TAOK3: variants seen among roughly 807,000 people sequenced by gnomAD.
TAOK3 encodes serine/threonine-protein kinase TAO3.
In TAOK3, 40 loss-of-function variants were observed where a neutral mutation model predicts 120.4. The observed-to-expected ratio is 0.33, with a 90% confidence interval of 0.26 to 0.43. TAOK3 has a LOEUF of 0.43. Among genes scored for constraint, TAOK3 ranks in the 20% least tolerant of loss-of-function variants. TAOK3 has a pLI of 1.00. For synonymous variants in TAOK3, 355 were observed against 387.5 expected, an observed-to-expected ratio of 0.92 and a Z score of 0.99; for missense variants, 821 against 1,112.1, an observed-to-expected ratio of 0.74 and a Z score of 3.72.
chr12:118,320,262 A>G (rs182212791), intron 1 of TAOK3, among the ~76,000 whole-genome samples: 2 of 152,124 alleles, frequency 1.3e-5, no homozygotes, highest in African/African-American at 4.8e-5. Context: ...CTGGAAATAG[A>G]TAGTGATGTT....
At chr12:118,238,699 A>G (rs565183336) in intron 6 of TAOK3, among the ~76,000 whole-genome samples, 2 of 151,840 alleles carry the variant, frequency 1.3e-5, no homozygotes, top group South Asian at 4.2e-4. Flanking sequence ...CAGTGTTTCA[A>G]TCAAAGCTCA....
At chr12:118,301,213 TTAGA>T (rs2042868596) in intron 1 of TAOK3, among the ~76,000 whole-genome samples, 1 of 152,170 alleles carries the variant, frequency 6.6e-6, no homozygotes, top group African/African-American at 2.4e-5. Flanking sequence ...TTAATAAATG[TTAGA>T]TAGTGTAATG....
At chr12:118,201,197 AT>A in intron 12 of TAOK3, 98 bp downstream of exon 12, 1 of 1,129,640 alleles carries the variant, frequency 8.9e-7, no homozygotes, top group East Asian at 2.4e-5. Flanking sequence ...GACAGCATCA[AT>A]TAATTTTTAT....
chr12:118,268,775 A>G (rs1444913308), intron 1 of TAOK3, among the ~76,000 whole-genome samples: 1 of 152,156 alleles, frequency 6.6e-6, no homozygotes, highest in African/African-American at 2.4e-5. Flanking sequence ...TTGAGAGGCC[A>G]AGGCGGGTGG....
At chr12:118,329,692 A>G (rs748673853) in intron 1 of TAOK3, among the ~76,000 whole-genome samples, 1 of 152,124 alleles carries the variant, frequency 6.6e-6, no homozygotes, top group Non-Finnish European at 1.5e-5. Flanking sequence ...TTAAAATGGA[A>G]AGTAACATTC....
intron 8 of TAOK3, among the ~76,000 whole-genome samples, chr12:118,233,984 C>T (rs1366572915): frequency 2.0e-5 from 3 of 152,048 alleles, no homozygotes; most frequent in African/African-American, 7.2e-5. Flanking sequence ...AGACTGGCTC[C>T]ACCCCTTACT....
chr12:118,273,764 C>T (rs1260840597), intron 1 of TAOK3, among the ~76,000 whole-genome samples: 4 of 151,786 alleles, frequency 2.6e-5, no homozygotes, highest in Admixed American at 6.6e-5. Context: ...TGCAGTGAGC[C>T]GAGATCGTGC....
At chr12:118,153,651 CCA>C (rs1228350250) in intron 19 of TAOK3, among the ~76,000 whole-genome samples, 2 of 152,046 alleles carry the variant, frequency 1.3e-5, no homozygotes, top group Non-Finnish European at 2.9e-5. Context: ...TTTGGCAGGC[CCA>C]CAGTTTGGCT....
chr12:118,321,745 T>A (rs758420990), intron 1 of TAOK3, among the ~76,000 whole-genome samples: 4 of 152,192 alleles, frequency 2.6e-5, no homozygotes, highest in Admixed American at 1.3e-4. Flanking sequence ...TCCATTTCCT[T>A]TGTTGTTTCA....
At chr12:118,289,312 A>AG (rs1555243008) in intron 1 of TAOK3, among the ~76,000 whole-genome samples, 3 of 151,406 alleles carry the variant, frequency 2.0e-5, no homozygotes, top group African/African-American at 7.3e-5. Flanking sequence ...AAAAAAAAAA[A>AG]AAAAAGAAAA....
chr12:118,208,094 T>C lies in TAOK3; in HGVS notation c.819+4820A>G, dbSNP rs147585074. Among the ~76,000 whole-genome samples, 200 of 152,336 alleles carry C rather than the reference T, an allele frequency of 1.3e-3. 1 individual carries two copies. The highest frequency in any genetic ancestry group is 4.5e-3 in the African/African-American group (188 of 41,572). On this transcript the variant is annotated intron_variant, in intron 11 of 20. Transcript: ENST00000392533. ...ACTTGGAAAGATAAGGAAATTAGTA[T>C]GCATACGTTTTTCCTGCCCTTAGAT...
chr12:118,305,092 A>G (rs1260346216), intron 1 of TAOK3, among the ~76,000 whole-genome samples: 1 of 152,226 alleles, frequency 6.6e-6, no homozygotes, highest in Non-Finnish European at 1.5e-5. Context: ...ATAATATAAT[A>G]AATATATCGA....
chr12:118,285,886 G>T (rs1177599400), intron 1 of TAOK3, among the ~76,000 whole-genome samples: 1 of 152,136 alleles, frequency 6.6e-6, no homozygotes, highest in Non-Finnish European at 1.5e-5. Flanking sequence ...ATATTGGTTT[G>T]GCCTGGAAAG....
At chr12:118,260,694 A>G (rs1049709483) in intron 2 of TAOK3, among the ~76,000 whole-genome samples, 1 of 152,014 alleles carries the variant, frequency 6.6e-6, no homozygotes, top group African/African-American at 2.4e-5. Context: ...GTATGTCATT[A>G]TTTTGAGATG....
chr12:118,268,628 T>A (rs2041561052), intron 1 of TAOK3, among the ~76,000 whole-genome samples: 1 of 152,248 alleles, frequency 6.6e-6, no homozygotes, highest in Non-Finnish European at 1.5e-5. Flanking sequence ...TTTGCATGTC[T>A]ACTCTGCTAA....
chr12:118,367,292 T>C (rs1044752002), intron 1 of TAOK3, among the ~76,000 whole-genome samples: 2 of 151,648 alleles, frequency 1.3e-5, no homozygotes, highest in Non-Finnish European at 2.9e-5. Context: ...CTAACAAATC[T>C]CAATTCAGAC....
intron 13 of TAOK3, among the ~76,000 whole-genome samples, chr12:118,190,837 A>G (rs2037395016): frequency 6.6e-6 from 1 of 152,234 alleles, no homozygotes; most frequent in Non-Finnish European, 1.5e-5. Flanking sequence ...AAATGCTTTC[A>G]AAGGATGATG....
chr12:118,200,188 T>C (rs957043546), intron 12 of TAOK3: 8 of 152,252 alleles, frequency 5.3e-5, no homozygotes, highest in African/African-American at 1.9e-4. Context: ...AATTTTATAG[T>C]TCAATGCAAC....
intron 13 of TAOK3, among the ~76,000 whole-genome samples, chr12:118,197,716 C>T (rs1308443024): frequency 8.5e-6 from 1 of 117,260 alleles, no homozygotes; most frequent in Non-Finnish European, 1.7e-5. Context: ...GAGACGGAGT[C>T]TCACTGTGTT....
Sources: allele counts gnomAD v4.1 joint callset (sites outside exome capture counted in the v4.1 genomes callset), GRCh38; gene constraint gnomAD v4.1.1; transcripts MANE v1.5; gene names NCBI Gene and HGNC (gene_info 2026-07-23, HGNC 2026-07-21).